Variants in SGCZ observed in about 807,000 individuals in gnomAD.
SGCZ encodes the protein zeta-sarcoglycan.
A neutral mutation model predicts 41.3 loss-of-function variants in SGCZ; 40 were observed. That is an observed-to-expected ratio of 0.97 (90% confidence interval 0.75 to 1.26). The LOEUF is 1.26. Ranked by LOEUF, SGCZ falls within the 50% of genes most tolerant of loss-of-function variation. The pLI is 0.00. For synonymous variants in SGCZ, 206 were observed against 137.5 expected, an observed-to-expected ratio of 1.50 and a Z score of -3.49; for missense variants, 552 against 369.8, an observed-to-expected ratio of 1.49 and a Z score of -4.04.
At chr8:14,202,281 G>A (rs1277394341) in intron 4 of SGCZ, among the ~76,000 whole-genome samples, 3 of 152,030 alleles carry the variant, frequency 2.0e-5, no homozygotes, top group Non-Finnish European at 4.4e-5. Flanking sequence ...AAACTGGAAA[G>A]GGCAAAAAAG....
At chr8:14,800,907 A>G (rs907015670) in intron 1 of SGCZ, among the ~76,000 whole-genome samples, 3 of 110,162 alleles carry the variant, frequency 2.7e-5, no homozygotes, top group African/African-American at 1.0e-4. Flanking sequence ...AAAAAACATC[A>G]GAAAAAAGAT....
chr8:14,224,675 T>C (rs1806312511), intron 4 of SGCZ, among the ~76,000 whole-genome samples: 1 of 152,158 alleles, frequency 6.6e-6, no homozygotes, highest in Non-Finnish European at 1.5e-5. Flanking sequence ...AAGCTTTTAT[T>C]GTGTCACCAT....
At chr8:14,702,966 TAGATAGAC>T (rs879620087) in intron 1 of SGCZ, among the ~76,000 whole-genome samples, 16,096 of 123,516 alleles carry the variant, frequency 0.13, 926 homozygotes, top group Middle Eastern at 0.17. Context: ...GATAGATAGA[TAGATAGAC>T]AGACAGACAG....
chr8:15,162,008 GT>G (rs1327296765), intron 1 of SGCZ, among the ~76,000 whole-genome samples: 1 of 152,174 alleles, frequency 6.6e-6, no homozygotes, highest in Non-Finnish European at 1.5e-5. Context: ...TCCAGCCTGG[GT>G]AACAGCGTGA....
intron 2 of SGCZ, among the ~76,000 whole-genome samples, chr8:14,464,999 T>C (rs951749265): frequency 2.6e-5 from 4 of 151,870 alleles, no homozygotes; most frequent in Admixed American, 1.3e-4. Context: ...TGGGCAAACA[T>C]ATGGTCTATC....
At position 14,441,390 on chromosome 8, in the gene SGCZ, C is replaced by T. The variant is rs142891268; in HGVS notation, c.234+113342G>A. Among the ~76,000 whole-genome samples the T allele has an allele frequency of 1.2e-3, 184 of 152,090 alleles. 1 individual carries two copies. The highest frequency in any genetic ancestry group is 3.3e-3 in the African/African-American group (137 of 41,514). ...AAGAGATTGAGGCCATCCTGTCCAACATGGTGAAACCCCGTCTCTACTGAA... is the reference window on the plus strand; with the variant it reads ...AAGAGATTGAGGCCATCCTGTCCAATATGGTGAAACCCCGTCTCTACTGAA... On this transcript the variant is annotated intron_variant, in intron 2 of 7. Coordinates refer to ENST00000382080, the MANE Select transcript of SGCZ (RefSeq NM_139167.4).
intron 5 of SGCZ, among the ~76,000 whole-genome samples, chr8:14,146,881 A>T (rs1490573918): frequency 1.4e-5 from 2 of 139,698 alleles, no homozygotes; most frequent in African/African-American, 3.0e-5. Flanking sequence ...CAAAAAATAA[A>T]AATAAAAAAA....
At chr8:14,214,242 C>T (rs1805915449) in intron 4 of SGCZ, among the ~76,000 whole-genome samples, 1 of 152,096 alleles carries the variant, frequency 6.6e-6, no homozygotes, top group Non-Finnish European at 1.5e-5. Context: ...GTCTACAAAA[C>T]ACAAACCAGT....
intron 1 of SGCZ, among the ~76,000 whole-genome samples, chr8:14,667,334 T>C (rs1052463499): frequency 2.0e-5 from 3 of 152,144 alleles, no homozygotes; most frequent in Non-Finnish European, 4.4e-5. Flanking sequence ...ATTGAACTCA[T>C]ACAGGGTTTT....
intron 1 of SGCZ, among the ~76,000 whole-genome samples, chr8:14,676,592 A>G (rs1808285623): frequency 6.6e-6 from 1 of 152,220 alleles, no homozygotes; most frequent in Non-Finnish European, 1.5e-5. Context: ...TTATTTAAAG[A>G]AATTCCCCAA....
intron 1 of SGCZ, among the ~76,000 whole-genome samples, chr8:15,061,950 G>C (rs1477904711): frequency 6.6e-6 from 1 of 152,126 alleles, no homozygotes; most frequent in East Asian, 1.9e-4. Flanking sequence ...GCTGATTTTT[G>C]TGGCTTGCCA....
intron 2 of SGCZ, among the ~76,000 whole-genome samples, chr8:14,532,677 T>C (rs1803168659): frequency 7.9e-6 from 1 of 127,206 alleles, no homozygotes; most frequent in South Asian, 2.6e-4. Flanking sequence ...AAAATGTGTC[T>C]AGTATGCCTT....
At chr8:15,124,139 G>C (rs1212854703) in intron 1 of SGCZ, among the ~76,000 whole-genome samples, 1 of 152,214 alleles carries the variant, frequency 6.6e-6, no homozygotes, top group Admixed American at 6.5e-5. Context: ...GAATGAGGTA[G>C]AGAGGGCTTG....
chr8:14,653,077 G>A (rs1807455417), intron 1 of SGCZ, among the ~76,000 whole-genome samples: 1 of 152,022 alleles, frequency 6.6e-6, no homozygotes, highest in South Asian at 2.1e-4. Context: ...AATCCTCTAT[G>A]TCTATTATCT....
chr8:14,770,753 AC>A (rs1215995166), intron 1 of SGCZ, among the ~76,000 whole-genome samples: 1 of 152,138 alleles, frequency 6.6e-6, no homozygotes, highest in Non-Finnish European at 1.5e-5. Flanking sequence ...AAAGTTCATA[AC>A]CCTGTGATTG....
At chr8:14,134,807 C>G (rs757364272) in intron 5 of SGCZ, among the ~76,000 whole-genome samples, 3 of 152,134 alleles carry the variant, frequency 2.0e-5, no homozygotes, top group East Asian at 1.9e-4. Flanking sequence ...TGATCCATAC[C>G]AAGTTCTCCA....
chr8:14,160,195 G>T lies in SGCZ; in HGVS notation c.547+4385C>A, dbSNP rs191967708. Among the ~76,000 whole-genome samples the T allele has an allele frequency of 2.4e-4, 36 of 152,314 alleles. No homozygotes were observed. The East Asian group carries it at 7.0e-3, about 29-fold the overall frequency. On this transcript the variant is annotated intron_variant, in intron 5 of 7. Coordinates refer to ENST00000382080, the MANE Select transcript of SGCZ (RefSeq NM_139167.4). The stretch of plus-strand genomic sequence containing the variant: ...AGAAAAAAAACAGGTCTAGATCTAA[G>T]TCTAACTAATAGCTTTTAATTTACC...
At chr8:14,969,464 T>A (rs1366235103) in intron 1 of SGCZ, among the ~76,000 whole-genome samples, 1 of 152,076 alleles carries the variant, frequency 6.6e-6, no homozygotes, top group African/African-American at 2.4e-5. Context: ...CACCACAATC[T>A]AGAAAATCCA....
chr8:14,285,847 T>A (rs1285405087), intron 3 of SGCZ, among the ~76,000 whole-genome samples: 1 of 152,114 alleles, frequency 6.6e-6, no homozygotes, highest in Non-Finnish European at 1.5e-5. Flanking sequence ...CTTCAGGGGT[T>A]TGTATTACTT....
Sources: allele counts gnomAD v4.1 joint callset (sites outside exome capture counted in the v4.1 genomes callset), GRCh38; gene constraint gnomAD v4.1.1; transcripts MANE v1.5; gene names NCBI Gene and HGNC (gene_info 2026-07-23, HGNC 2026-07-21).